The following SNX10 variants were observed in gnomAD, a reference collection of about 807,000 sequenced individuals.
SNX10 encodes the protein sorting nexin 10.
Under a neutral mutation model 28.5 loss-of-function variants are expected in SNX10, and 25 were observed. The observed-to-expected ratio is 0.88, with a 90% CI of 0.64 to 1.22. SNX10 has a LOEUF of 1.22. Among genes scored for constraint, SNX10 ranks in the 50% most tolerant of loss-of-function variants. SNX10 has a pLI of 0.00. For missense variants in SNX10, 223 were observed against 242.6 expected (o/e 0.92, Z 0.54); for synonymous variants, 62 against 81.4 (o/e 0.76, Z 1.28).
intron 1 of SNX10, among the ~76,000 whole-genome samples, chr7:26,317,258 G>A (rs1787129260): frequency 6.6e-6 from 1 of 152,156 alleles, no homozygotes; most frequent in Non-Finnish European, 1.5e-5. Flanking sequence ...AAGCGCCCTG[G>A]GTAGTGAGAT....
chr7:26,300,583 G>A (rs900897806), intron 1 of SNX10, among the ~76,000 whole-genome samples: 2 of 152,116 alleles, frequency 1.3e-5, no homozygotes, highest in African/African-American at 2.4e-5. Flanking sequence ...GAATTTCCAG[G>A]TGAGTGTTCC....
At chr7:26,328,606 A>C (rs1040188489) in intron 1 of SNX10, among the ~76,000 whole-genome samples, 3 of 152,176 alleles carry the variant, frequency 2.0e-5, no homozygotes, top group Non-Finnish European at 4.4e-5. Context: ...AGTGGAAGGC[A>C]ACAGGGAATC....
chr7:26,345,267 C>T (rs1164405559), intron 1 of SNX10, among the ~76,000 whole-genome samples: 2 of 152,218 alleles, frequency 1.3e-5, no homozygotes, highest in African/African-American at 4.8e-5. Flanking sequence ...TGTCCCCCAG[C>T]TGATCTGGCC....
At chr7:26,343,591 G>A (rs917214050) in intron 1 of SNX10, among the ~76,000 whole-genome samples, 1 of 152,360 alleles carries the variant, frequency 6.6e-6, no homozygotes, top group Admixed American at 6.5e-5. Context: ...TAATGGGGCA[G>A]AGAGCCCGGG....
At chr7:26,325,435 T>C (rs949782057) in intron 1 of SNX10, among the ~76,000 whole-genome samples, 2 of 149,582 alleles carry the variant, frequency 1.3e-5, no homozygotes, top group African/African-American at 4.9e-5. Flanking sequence ...TGCCTCAGCC[T>C]ACTGAGTAGC....
Position 26,291,935 on chromosome 7 carries a change from C to CGGGGAGCGCGGGGAGCGCGGGGAGCGCG in SNX10, c.-153_-152insAGCGCGGGGGAGCGCGGGGAGCGCGGGG, listed in dbSNP as rs1554347701. 84 of 145,712 alleles carry CGGGGAGCGCGGGGAGCGCGGGGAGCGCG rather than the reference C, an allele frequency of 5.8e-4. No homozygotes were observed. Among genetic ancestry groups the CGGGGAGCGCGGGGAGCGCGGGGAGCGCG allele is most frequent in the East Asian group, 4.5e-3 (23 of 5,096 alleles). 9.0% of individuals were successfully genotyped at this position (145,712 alleles called of 1,614,324 possible). A position where few individuals can be genotyped will look rare whatever the true frequency, so the allele number is the denominator to read the frequency against. The stretch of plus-strand genomic sequence containing the variant: ...GGGGCCGCTACGTGCGCGGGGAGCG[C>CGGGGAGCGCGGGGAGCGCGGGGAGCGCG]GGGGAGCGCGGGGAGCGCGGGGCTG... On this transcript the variant is annotated 5_prime_UTR_variant, in exon 1 of 7. Coordinates refer to ENST00000338523, the MANE Select transcript of SNX10 (RefSeq NM_013322.3).
At chr7:26,306,690 C>T (rs1264091785) in intron 1 of SNX10, among the ~76,000 whole-genome samples, 3 of 152,148 alleles carry the variant, frequency 2.0e-5, no homozygotes, top group African/African-American at 7.2e-5. Flanking sequence ...CATGAGCCAC[C>T]GTGCCCAGAC....
At chr7:26,298,520 G>T (rs1045373275) in intron 1 of SNX10, among the ~76,000 whole-genome samples, 9 of 152,148 alleles carry the variant, frequency 5.9e-5, no homozygotes, top group African/African-American at 2.2e-4. Context: ...TCTTGGAAAG[G>T]CACGTTAGCA....
chr7:26,341,044 A>G (rs1356767633), intron 1 of SNX10, among the ~76,000 whole-genome samples: 1 of 152,210 alleles, frequency 6.6e-6, no homozygotes, highest in Non-Finnish European at 1.5e-5. Flanking sequence ...CACACCTGTT[A>G]TTGAGCACTT....
chr7:26,335,149 C>G (rs1787876536), intron 1 of SNX10, among the ~76,000 whole-genome samples: 2 of 152,194 alleles, frequency 1.3e-5, no homozygotes, highest in Non-Finnish European at 2.9e-5. Flanking sequence ...CCAGGCAGGC[C>G]TGCACACTTC....
intron 1 of SNX10, among the ~76,000 whole-genome samples, chr7:26,312,125 A>G (rs978039664): frequency 1.3e-5 from 2 of 152,246 alleles, no homozygotes; most frequent in African/African-American, 4.8e-5. Flanking sequence ...ATAGCACATT[A>G]TGGCAAGGAT....
At chr7:26,302,246 C>A (rs1362813344) in intron 1 of SNX10, among the ~76,000 whole-genome samples, 1 of 152,144 alleles carries the variant, frequency 6.6e-6, no homozygotes, top group Admixed American at 6.5e-5. Flanking sequence ...GGTCAAAGTT[C>A]TCTGGGTATC....
At chr7:26,344,513 CAT>C in intron 1 of SNX10, among the ~76,000 whole-genome samples, 1 of 152,322 alleles carries the variant, frequency 6.6e-6, no homozygotes, top group East Asian at 1.9e-4. Context: ...CAAGTGGAAT[CAT>C]ACGGTGTCTG....
chr7:26,356,830 A>G (rs1165615020), intron 2 of SNX10, among the ~76,000 whole-genome samples: 1 of 152,154 alleles, frequency 6.6e-6, no homozygotes, highest in Admixed American at 6.6e-5. Context: ...TTGGATCCTT[A>G]TGCTGTTAAT....
chr7:26,357,547 A>C (rs1259175640), intron 2 of SNX10, among the ~76,000 whole-genome samples: 1 of 152,116 alleles, frequency 6.6e-6, no homozygotes, highest in Non-Finnish European at 1.5e-5. Flanking sequence ...TTCAGAAGGA[A>C]AGCAACATCA....
chr7:26,319,402 A>G (rs1378458199), intron 1 of SNX10, among the ~76,000 whole-genome samples: 1 of 152,210 alleles, frequency 6.6e-6, no homozygotes, highest in African/African-American at 2.4e-5. Flanking sequence ...TTTCAGGTCA[A>G]CTACTGTTTG....
chr7:26,354,074 T>C (rs1260443759), intron 2 of SNX10: 3 of 152,212 alleles, frequency 2.0e-5, no homozygotes, highest in African/African-American at 7.2e-5. Flanking sequence ...CTACTCATCT[T>C]TACTGTGCTA....
chr7:26,331,189 G>A (rs1372353044), intron 1 of SNX10, among the ~76,000 whole-genome samples: 2 of 150,730 alleles, frequency 1.3e-5, no homozygotes, highest in Non-Finnish European at 3.0e-5. Context: ...AAAAGTAGAT[G>A]TATTAACATA....
chr7:26,358,805 G>GGTTTTTTT (rs1554360945), intron 2 of SNX10, among the ~76,000 whole-genome samples: 1,381 of 100,012 alleles, frequency 0.014, 24 homozygotes, highest in Non-Finnish European at 0.021. Context: ...GTTATCTTGT[G>GGTTTTTTT]TTTTTTTTTT....
Sources: allele counts gnomAD v4.1 joint callset (sites outside exome capture counted in the v4.1 genomes callset), GRCh38; gene constraint gnomAD v4.1.1; transcripts MANE v1.5; gene names NCBI Gene and HGNC (gene_info 2026-07-23, HGNC 2026-07-21).